Variants in SYNDIG1 observed in about 807,000 individuals in gnomAD.
SYNDIG1 encodes synapse differentiation-inducing gene protein 1.
Under a neutral mutation model 19.4 loss-of-function variants are expected in SYNDIG1, and 9 were observed. The ratio of observed to expected loss-of-function variants is 0.46; its 90% CI spans 0.28 to 0.81. SYNDIG1 has a LOEUF of 0.81. SYNDIG1 is among the 30% of genes least tolerant of loss of function. The pLI is 0.12. For synonymous variants in SYNDIG1, 141 were observed against 145.9 expected, an observed-to-expected ratio of 0.97 and a Z score of 0.24; for missense variants, 311 against 343.3, an observed-to-expected ratio of 0.91 and a Z score of 0.74.
chr20:24,596,565 G>T (rs993693100), intron 3 of SYNDIG1, among the ~76,000 whole-genome samples: 6 of 151,872 alleles, frequency 4.0e-5, no homozygotes, highest in African/African-American at 1.5e-4. Flanking sequence ...TTTTAGTAGA[G>T]ATAGAGTTTT....
intron 3 of SYNDIG1, among the ~76,000 whole-genome samples, chr20:24,613,313 C>T (rs1316702769): frequency 2.6e-5 from 4 of 152,164 alleles, no homozygotes; most frequent in Non-Finnish European, 2.9e-5. Flanking sequence ...GCAAGCAAGC[C>T]TACTCTGCAA....
intron 1 of SYNDIG1, among the ~76,000 whole-genome samples, chr20:24,471,545 C>T (rs2055458064): frequency 6.6e-6 from 1 of 150,776 alleles, no homozygotes; most frequent in Admixed American, 6.6e-5. Context: ...CGCCCTCTCT[C>T]ACCCTGTCCC....
intron 3 of SYNDIG1, among the ~76,000 whole-genome samples, chr20:24,642,557 G>C (rs2059388712): frequency 6.6e-6 from 1 of 152,098 alleles, no homozygotes; most frequent in South Asian, 2.1e-4. Context: ...TCCATTAATT[G>C]GTTCATCCAT....
At chr20:24,657,638 T>C (rs149706580) in intron 3 of SYNDIG1, among the ~76,000 whole-genome samples, 116 of 152,274 alleles carry the variant, frequency 7.6e-4, no homozygotes, top group African/African-American at 2.7e-3. Context: ...TGGGCCTAAA[T>C]ACATGCAGGC....
At chr20:24,531,534 A>G (rs1398326217) in intron 1 of SYNDIG1, among the ~76,000 whole-genome samples, 2 of 152,190 alleles carry the variant, frequency 1.3e-5, no homozygotes, top group Non-Finnish European at 2.9e-5. Context: ...GTTTGAAAAT[A>G]ATTGCACTTG....
At chr20:24,496,460 A>T (rs1448823750) in intron 1 of SYNDIG1, among the ~76,000 whole-genome samples, 1 of 152,216 alleles carries the variant, frequency 6.6e-6, no homozygotes, top group East Asian at 1.9e-4. Context: ...TTAATTCCTT[A>T]AGATTTTATC....
At chr20:24,472,109 C>T (rs992532052) in intron 1 of SYNDIG1, among the ~76,000 whole-genome samples, 29 of 152,124 alleles carry the variant, frequency 1.9e-4, no homozygotes, top group African/African-American at 7.0e-4. Context: ...TTTAATAACC[C>T]CATTAGAGTA....
intron 3 of SYNDIG1, among the ~76,000 whole-genome samples, chr20:24,585,906 A>G (rs545923726): frequency 1.1e-3 from 161 of 152,286 alleles, no homozygotes; most frequent in African/African-American, 3.6e-3. Flanking sequence ...TCCAGCTTCT[A>G]GGGTTCAGGA....
Position 24,584,751 on chromosome 20 carries a change from G to T in SYNDIG1, c.481-105G>T, listed in dbSNP as rs917134001. ...GTCAGCAACTGCAGCTGCCTCCCGG[G>T]GAGGGCCTGCGCCAGCCAGGGGTCA... is the stretch of plus-strand genomic sequence containing the variant. On this transcript the variant is annotated intron_variant, in intron 2 of 3. Transcript: ENST00000376862. 4.0e-6 allele frequency: 6 copies of T among 1,517,540 alleles called. No individual in the cohort carries two copies. In the East Asian group the frequency reaches 1.4e-4, roughly 35 times the overall value. 94.0% of individuals were successfully genotyped at this position (1,517,540 alleles called of 1,614,324 possible).
intron 1 of SYNDIG1, among the ~76,000 whole-genome samples, chr20:24,470,383 C>A (rs953850874): frequency 7.2e-5 from 11 of 152,346 alleles, no homozygotes; most frequent in African/African-American, 2.6e-4. Flanking sequence ...AGCAGAGACT[C>A]CTGGAGCCTC....
chr20:24,531,267 T>A (rs543323099), intron 1 of SYNDIG1, among the ~76,000 whole-genome samples: 2 of 152,174 alleles, frequency 1.3e-5, no homozygotes, highest in Non-Finnish European at 2.9e-5. Context: ...CACACAGGGA[T>A]GGACATGGAA....
chr20:24,600,815 A>G (rs2058669009), intron 3 of SYNDIG1, among the ~76,000 whole-genome samples: 1 of 151,938 alleles, frequency 6.6e-6, no homozygotes, highest in African/African-American at 2.4e-5. Context: ...GAGTTTCACC[A>G]TGTTGGCCAG....
At chr20:24,560,585 G>T (rs2057920912) in intron 2 of SYNDIG1, among the ~76,000 whole-genome samples, 1 of 149,968 alleles carries the variant, frequency 6.7e-6, no homozygotes, top group Non-Finnish European at 1.5e-5. Flanking sequence ...ATTAAATACG[G>T]TTTTCTTTAG....
chr20:24,591,788 C>T (rs1179878519), intron 3 of SYNDIG1, among the ~76,000 whole-genome samples: 1 of 152,144 alleles, frequency 6.6e-6, no homozygotes, highest in Admixed American at 6.5e-5. Context: ...AAGGGTAGAG[C>T]CAGGATTCGG....
chr20:24,502,321 T>G (rs960195859), intron 1 of SYNDIG1: 5 of 152,240 alleles, frequency 3.3e-5, no homozygotes, highest in African/African-American at 1.2e-4. Context: ...CGTCATCTGC[T>G]TTCTCCCCAT....
chr20:24,581,101 A>G (rs2058314943), intron 2 of SYNDIG1, among the ~76,000 whole-genome samples: 1 of 152,068 alleles, frequency 6.6e-6, no homozygotes, highest in Non-Finnish European at 1.5e-5. Context: ...AATGGAGGCA[A>G]AGTGGGGTTT....
Position 24,614,733 on chromosome 20 carries a change from C to T in SYNDIG1, c.618+29740C>T, listed in dbSNP as rs796437098. Among the ~76,000 whole-genome samples, 81 of 152,242 alleles carry T rather than the reference C, an allele frequency of 5.3e-4. 1 individual carries two copies. The highest frequency in any genetic ancestry group is 1.9e-3 in the African/African-American group (79 of 41,544). ...AAGTTGTCAGGGTATAAATAAAACACAAATACTATTAAAGTGCTAATTATT... is the reference window on the plus strand; with the variant it reads ...AAGTTGTCAGGGTATAAATAAAACATAAATACTATTAAAGTGCTAATTATT... On this transcript the variant is annotated intron_variant, in intron 3 of 3. Transcript: ENST00000376862.
At chr20:24,470,335 G>T (rs1198617725) in intron 1 of SYNDIG1, among the ~76,000 whole-genome samples, 1 of 152,202 alleles carries the variant, frequency 6.6e-6, no homozygotes, top group East Asian at 1.9e-4. Context: ...GTGCAAGCGC[G>T]CTTGGGATGG....
At chr20:24,663,312 G>A (rs955281050) in intron 3 of SYNDIG1, among the ~76,000 whole-genome samples, 3 of 152,130 alleles carry the variant, frequency 2.0e-5, no homozygotes, top group Admixed American at 6.5e-5. Flanking sequence ...ATAAACCGGC[G>A]TATCAAGGTC....
Sources: allele counts gnomAD v4.1 joint callset (sites outside exome capture counted in the v4.1 genomes callset), GRCh38; gene constraint gnomAD v4.1.1; transcripts MANE v1.5; gene names NCBI Gene and HGNC (gene_info 2026-07-23, HGNC 2026-07-21).